PIK3CD: variants seen among roughly 807,000 people sequenced by gnomAD.
The protein encoded by PIK3CD is phosphatidylinositol-4,5-bisphosphate 3-kinase catalytic subunit delta, also known as phosphatidylinositol 4,5-bisphosphate 3-kinase catalytic subunit delta isoform.
A neutral mutation model predicts 122.9 loss-of-function variants in PIK3CD; 20 were observed. The ratio of observed to expected loss-of-function variants is 0.16; its 90% CI spans 0.11 to 0.24. PIK3CD has a LOEUF of 0.24. Ranked by LOEUF, PIK3CD falls within the 10% of genes least tolerant of loss-of-function variation. PIK3CD has a pLI of 1.00. For synonymous variants in PIK3CD, 596 were observed against 593.4 expected, an observed-to-expected ratio of 1.00 and a Z score of -0.06; for missense variants, 787 against 1,406.3, an observed-to-expected ratio of 0.56 and a Z score of 7.04.
the PIK3CD span, among the ~76,000 whole-genome samples, chr1:9,636,834 C>T: frequency 6.6e-6 from 1 of 152,214 alleles, no homozygotes; most frequent in Non-Finnish European, 1.5e-5. Context: ...TCATGAACCT[C>T]CACCTATCAA....
intron 1 of PIK3CD, chr1:9,681,098 A>C (rs1557616675): frequency 6.6e-6 from 1 of 150,632 alleles, no homozygotes; most frequent in South Asian, 2.2e-4. Flanking sequence ...TCCTTATAGC[A>C]TGGCCACTGG....
intron 23 of PIK3CD, 83 bp downstream of exon 23, chr1:9,725,019 T>C (rs1021857073): frequency 1.0e-5 from 16 of 1,524,946 alleles, no homozygotes; most frequent in Middle Eastern, 1.7e-4. Context: ...GGGCCCTGAA[T>C]GCAGTAGGCC....
intron 1 of PIK3CD, chr1:9,681,092 T>C (rs1203986928): frequency 6.6e-6 from 1 of 151,186 alleles, no homozygotes; most frequent in Non-Finnish European, 1.5e-5. Flanking sequence ...TGAGTGTCCT[T>C]ATAGCATGGC....
chr1:9,699,791 C>T (rs2100607952), intron 2 of PIK3CD, among the ~76,000 whole-genome samples: 1 of 152,300 alleles, frequency 6.6e-6, no homozygotes, highest in South Asian at 2.1e-4. Flanking sequence ...CAGGGTTTCA[C>T]CGTGTGGGCC....
chr1:9,642,704 G>A, the PIK3CD span, among the ~76,000 whole-genome samples: 40 of 144,252 alleles, frequency 2.8e-4, no homozygotes, highest in East Asian at 7.6e-3. Context: ...GCGAAAGAGC[G>A]AGACTCTGTC....
intron 1 of PIK3CD, chr1:9,687,594 G>A (rs544234042): frequency 6.6e-6 from 1 of 152,142 alleles, no homozygotes; most frequent in East Asian, 1.9e-4. Context: ...GTGGGGGCGG[G>A]GCCGGGGGCG....
In PIK3CD at chr1:9,723,422, G is replaced by A; in HGVS notation, c.2594+130G>A. 1 of 935,738 alleles carries A rather than the reference G, an allele frequency of 1.1e-6. No homozygotes were observed. Among genetic ancestry groups the A allele is most frequent in the Non-Finnish European group, 1.7e-6 (1 of 578,778 alleles). The allele number at this position is 935,738 out of a possible 1,614,324, so 58.0% of individuals were successfully genotyped here. On this transcript the variant is annotated intron_variant, in intron 20 of 23. Coordinates refer to ENST00000377346, the MANE Select transcript of PIK3CD (RefSeq NM_005026.5). The surrounding 1 kb of genome is among the most constrained non-coding windows in gnomAD (Gnocchi z 4.9). ...CTTTGTGGCTACTTGGCTCAGTTGAGGACCAGCCTGTGTCTGGGTTGGGGT... is the reference window on the plus strand; with the variant it reads ...CTTTGTGGCTACTTGGCTCAGTTGAAGACCAGCCTGTGTCTGGGTTGGGGT...
intron 2 of PIK3CD, among the ~76,000 whole-genome samples, chr1:9,708,676 C>T (rs750873311): frequency 6.6e-6 from 1 of 151,862 alleles, no homozygotes; most frequent in Non-Finnish European, 1.5e-5. Context: ...GGTGAAACCC[C>T]CATCTCTACT....
At chr1:9,675,218 T>C (rs1645478629) in intron 1 of PIK3CD, among the ~76,000 whole-genome samples, 1 of 150,148 alleles carries the variant, frequency 6.7e-6, no homozygotes, top group Admixed American at 6.7e-5. Flanking sequence ...ACCCCGTCTC[T>C]ACTAAAAATA....
intron 1 of PIK3CD, among the ~76,000 whole-genome samples, chr1:9,669,322 G>A (rs1156790456): frequency 6.6e-6 from 1 of 151,948 alleles, no homozygotes; most frequent in East Asian, 1.9e-4. Flanking sequence ...CCACACCCGG[G>A]TAATTTTTGT....
chr1:9,721,294 G>A (rs201835360), intron 14 of PIK3CD, 46 bp downstream of exon 14: 3 of 1,612,542 alleles, frequency 1.9e-6, no homozygotes, highest in African/African-American at 2.7e-5. Context: ...GGGCAGCTGT[G>A]TCCTGGCTGC....
intron 2 of PIK3CD, among the ~76,000 whole-genome samples, chr1:9,702,582 G>A (rs1462767834): frequency 3.7e-5 from 5 of 133,476 alleles, no homozygotes; most frequent in African/African-American, 1.1e-4. Flanking sequence ...GTGCAGTGGC[G>A]CCATCTCGGC....
chr1:9,656,083 A>G (rs570511764), intron 1 of PIK3CD, among the ~76,000 whole-genome samples: 2 of 151,852 alleles, frequency 1.3e-5, no homozygotes, highest in Admixed American at 1.3e-4. Context: ...CTTCTGTTTC[A>G]CTCATATTGG....
At chr1:9,638,664 G>A in the PIK3CD span, among the ~76,000 whole-genome samples, 1 of 147,974 alleles carries the variant, frequency 6.8e-6, no homozygotes, top group African/African-American at 2.5e-5. Context: ...CCCGGGAGGC[G>A]GAGCTTGCAG....
At chr1:9,716,921 G>A (rs1030189856) in intron 6 of PIK3CD, 38 bp from the exon 7 acceptor site, 1 of 1,613,004 alleles carries the variant, frequency 6.2e-7, no homozygotes, top group Non-Finnish European at 8.5e-7. Flanking sequence ...AGTGGTTGGG[G>A]CCGCCCCACC....
At position 9,718,616 on chromosome 1, in the gene PIK3CD, G is replaced by GGA. The variant is rs2100904983; in HGVS notation, c.1021-75_1021-74dup. 7.5e-7 allele frequency: 1 copy of GGA among 1,326,598 alleles called. No individual in the cohort carries two copies. Among genetic ancestry groups the GGA allele is most frequent in the East Asian group, 2.3e-5 (1 of 42,978 alleles). The allele number at this position is 1,326,598 out of a possible 1,614,324, so 82.2% of individuals were successfully genotyped here. A position where few individuals can be genotyped will look rare whatever the true frequency, so the allele number is the denominator to read the frequency against. On this transcript the variant is annotated intron_variant, in intron 8 of 23. Transcript: ENST00000377346. This position sits in a 1 kb window ranked among gnomAD's most constrained non-coding sequence, Gnocchi z 7.2. ...AGACCCACCTGAGGACATTCAAGGGGGAGACTGACACCTTAAGGGGGAGGG... is the reference window on the plus strand; with the variant it reads ...AGACCCACCTGAGGACATTCAAGGGGGAGAGACTGACACCTTAAGGGGGAGGG...
the PIK3CD span, among the ~76,000 whole-genome samples, chr1:9,643,748 G>C: frequency 1.3e-5 from 2 of 152,206 alleles, no homozygotes; most frequent in Non-Finnish European, 2.9e-5. Context: ...TGAGGAAGCA[G>C]AGGCATAGAG....
At chr1:9,672,623 G>GTTGTGTTGCCCAGC (rs1424337019) in intron 1 of PIK3CD, 3 of 152,094 alleles carry the variant, frequency 2.0e-5, no homozygotes, top group Non-Finnish European at 4.4e-5. Context: ...CAGGGGTCTT[G>GTTGTGTTGCCCAGC]CTGTGTTGCC....
intron 1 of PIK3CD, among the ~76,000 whole-genome samples, chr1:9,672,162 G>A (rs1466109495): frequency 1.3e-5 from 2 of 152,150 alleles, no homozygotes; most frequent in South Asian, 2.1e-4. Context: ...CCCCAACTGC[G>A]ACCTCGCTTT....
Sources: allele counts gnomAD v4.1 joint callset (sites outside exome capture counted in the v4.1 genomes callset), GRCh38; gene constraint gnomAD v4.1.1; non-coding constraint Gnocchi (gnomAD v3.1); transcripts MANE v1.5; gene names NCBI Gene and HGNC (gene_info 2026-07-23, HGNC 2026-07-21).